CNBD1: variants seen among roughly 807,000 people sequenced by gnomAD.
The protein encoded by CNBD1 is cyclic nucleotide binding domain containing 1, also known as cyclic nucleotide-binding domain-containing protein 1.
In CNBD1, 71 loss-of-function variants were observed where a neutral mutation model predicts 54.4. The ratio of observed to expected loss-of-function variants is 1.30; its 90% CI spans 1.08 to 1.59. CNBD1 has a LOEUF of 1.59. Ranked by LOEUF, CNBD1 falls within the 40% of genes most tolerant of loss-of-function variation. The pLI is 0.00. For synonymous variants in CNBD1, 182 were observed against 170.7 expected, an observed-to-expected ratio of 1.07 and a Z score of -0.51; for missense variants, 659 against 518.0, an observed-to-expected ratio of 1.27 and a Z score of -2.64.
intron 4 of CNBD1, among the ~76,000 whole-genome samples, chr8:87,113,196 G>T (rs1232521176): frequency 3.9e-5 from 6 of 152,218 alleles, no homozygotes; most frequent in Admixed American, 2.6e-4. Flanking sequence ...CTTCAGAGAA[G>T]AGTTCCAGTG....
At chr8:87,148,916 C>CA (rs1311220583) in intron 4 of CNBD1, among the ~76,000 whole-genome samples, 4 of 152,094 alleles carry the variant, frequency 2.6e-5, no homozygotes, top group Admixed American at 1.3e-4. Context: ...AACAAACAAA[C>CA]AAAAAACTCA....
intron 4 of CNBD1, among the ~76,000 whole-genome samples, chr8:86,956,691 C>A (rs988057805): frequency 6.6e-6 from 1 of 152,270 alleles, no homozygotes; most frequent in East Asian, 1.9e-4. Flanking sequence ...TATCCTGAGA[C>A]TTTGCTGAAG....
At chr8:87,081,911 T>C (rs979450285) in intron 4 of CNBD1, among the ~76,000 whole-genome samples, 21 of 152,222 alleles carry the variant, frequency 1.4e-4, no homozygotes, top group Non-Finnish European at 2.9e-4. Flanking sequence ...CTTAGATTAT[T>C]GATAGAGGAT....
At chr8:87,424,833 C>T (rs1205491200) in intron 2 of CNBD1, among the ~76,000 whole-genome samples, 3 of 152,088 alleles carry the variant, frequency 2.0e-5, no homozygotes, top group Non-Finnish European at 2.9e-5. Flanking sequence ...ATCTTTGTGG[C>T]ATTCTCTGTA....
intron 10 of CNBD1, among the ~76,000 whole-genome samples, chr8:87,382,197 C>A (rs1256081523): frequency 6.6e-6 from 1 of 151,846 alleles, no homozygotes; most frequent in Admixed American, 6.6e-5. Context: ...CTCTGTTCAG[C>A]ATTTTGGCAT....
intron 4 of CNBD1, among the ~76,000 whole-genome samples, chr8:86,963,183 G>C (rs533976260): frequency 4.6e-5 from 7 of 152,264 alleles, no homozygotes; most frequent in African/African-American, 1.7e-4. Flanking sequence ...ATGGGTGCAA[G>C]TGCAACCTTC....
chr8:86,969,414 G>A (rs1009011673), intron 4 of CNBD1, among the ~76,000 whole-genome samples: 8 of 151,988 alleles, frequency 5.3e-5, no homozygotes, highest in Non-Finnish European at 1.0e-4. Context: ...AACCTTCTTT[G>A]AAAACCACTA....
intron 5 of CNBD1, among the ~76,000 whole-genome samples, chr8:87,232,210 C>A (rs1451417354): frequency 1.3e-5 from 2 of 152,084 alleles, no homozygotes; most frequent in East Asian, 3.9e-4. Context: ...TAGAGTTCAG[C>A]TATTATGATA....
intron 2 of CNBD1, among the ~76,000 whole-genome samples, chr8:87,422,575 G>A (rs991811439): frequency 1.3e-5 from 2 of 152,112 alleles, no homozygotes; most frequent in Non-Finnish European, 2.9e-5. Flanking sequence ...TCAAAGATCA[G>A]ATAGTTGCAG....
chr8:87,293,677 A>G (rs1808824712), intron 8 of CNBD1, among the ~76,000 whole-genome samples: 1 of 152,236 alleles, frequency 6.6e-6, no homozygotes, highest in Admixed American at 6.5e-5. Context: ...ATTTTTAAAC[A>G]AATGAGATAG....
At chr8:87,396,814 A>T (rs1811415190) in intron 2 of CNBD1, among the ~76,000 whole-genome samples, 1 of 151,172 alleles carries the variant, frequency 6.6e-6, no homozygotes, top group African/African-American at 2.4e-5. Context: ...CCCCTCGCTT[A>T]AAGTATTTAG....
chr8:87,374,141 G>A (rs1302392493), intron 10 of CNBD1, among the ~76,000 whole-genome samples: 1 of 151,640 alleles, frequency 6.6e-6, no homozygotes, highest in Non-Finnish European at 1.5e-5. Flanking sequence ...GCAATAATGT[G>A]CCCCATCAAC....
At chr8:86,931,883 G>A (rs1809463874) in intron 3 of CNBD1, among the ~76,000 whole-genome samples, 1 of 152,142 alleles carries the variant, frequency 6.6e-6, no homozygotes, top group South Asian at 2.1e-4. Flanking sequence ...TCCTTTCCCT[G>A]AGTTATGGTG....
At chr8:87,267,442 A>G (rs12678975) in intron 6 of CNBD1, among the ~76,000 whole-genome samples, 149,448 of 152,250 alleles carry the variant, frequency 0.98, 73,364 homozygotes, top group East Asian at 1. Flanking sequence ...GCTGATATGA[A>G]TATAAGAATT....
intron 4 of CNBD1, among the ~76,000 whole-genome samples, chr8:87,017,259 G>T (rs1374059625): frequency 6.6e-6 from 1 of 152,154 alleles, no homozygotes; most frequent in Non-Finnish European, 1.5e-5. Flanking sequence ...TTACTTAAAT[G>T]CCTTATAAAA....
chr8:87,375,945 G>A (rs1417847041), intron 10 of CNBD1, among the ~76,000 whole-genome samples: 4 of 151,862 alleles, frequency 2.6e-5, no homozygotes, highest in Non-Finnish European at 2.9e-5. Flanking sequence ...ATCTCTTGCA[G>A]GAAGAATTGT....
chr8:87,341,072 C>A (rs904517071), intron 8 of CNBD1, among the ~76,000 whole-genome samples: 10 of 152,104 alleles, frequency 6.6e-5, no homozygotes, highest in Admixed American at 1.3e-4. Flanking sequence ...GCAAGAGATT[C>A]TTTGGGCTTC....
intron 4 of CNBD1, among the ~76,000 whole-genome samples, chr8:87,002,237 C>T (rs1007031620): frequency 5.9e-5 from 9 of 152,112 alleles, no homozygotes; most frequent in African/African-American, 1.9e-4. Flanking sequence ...AAAATTTGGG[C>T]AGGGTCACCA....
chr8:87,422,777 G>T (rs898387132), intron 2 of CNBD1, among the ~76,000 whole-genome samples: 7 of 152,076 alleles, frequency 4.6e-5, no homozygotes, highest in African/African-American at 1.7e-4. Context: ...GGTTCCATAT[G>T]AACTTTAAAG....
Sources: gnomAD v4.1 joint callset for allele counts (sites outside exome capture counted in the v4.1 genomes callset) on GRCh38, gnomAD v4.1.1 for gene constraint, MANE v1.5 for transcripts, NCBI Gene and HGNC (gene_info 2026-07-23, HGNC 2026-07-21) for gene names.